Variants in REV1 observed in about 807,000 individuals in gnomAD.
REV1 encodes translesion synthesis protein REV1.
A neutral mutation model predicts 137.4 loss-of-function variants in REV1; 42 were observed. That is an observed-to-expected ratio of 0.31 (90% CI 0.24 to 0.40). The LOEUF is 0.40. REV1 is among the 10% of genes least tolerant of loss of function. The pLI, the probability that REV1 is intolerant of heterozygous loss-of-function variation, is 1.00. For missense variants in REV1, 1,282 were observed against 1,490.1 expected (o/e 0.86, Z 2.30); for synonymous variants, 524 against 519.2 (o/e 1.01, Z -0.12).
rs869170472 is a variant in REV1 at position 99,407,080 on chromosome 2, CTTTTTTTTTTTTTT to C, written c.2449-604_2449-591del. ...ACATAAAACTAAACCTACAAAGGTT[CTTTTTTTTTTTTTT>C]TTTTTTTTTTTTTGAGACAGAGCCT... On this transcript the variant is annotated intron_variant, in intron 15 of 22. Transcript: ENST00000258428. Among the ~76,000 whole-genome samples the C allele has an allele frequency of 2.7e-3, 165 of 60,054 alleles. 3 individuals carry two copies. The highest frequency in any genetic ancestry group is 1.0e-2 in the African/African-American group (155 of 15,556). 39.4% of individuals were successfully genotyped at this position (60,054 alleles called of 152,430 possible). A position where few individuals can be genotyped will look rare whatever the true frequency, so the allele number is the denominator to read the frequency against.
At position 99,402,127 on chromosome 2, in the gene REV1, A is replaced by G. The variant is rs1574956419; in HGVS notation, c.3644+117T>C. On this transcript the variant is annotated intron_variant, in intron 22 of 22. Transcript: ENST00000258428. ...TCAACATGGCAAAATAAAGGATATC[A>G]CTTTCTCATTAACCCTAATGAGTAC... is the stretch of plus-strand genomic sequence containing the variant. 32 of 573,680 alleles carry G rather than the reference A, an allele frequency of 5.6e-5. 1 individual carries two copies. The South Asian group carries it at 7.4e-4, about 13-fold the overall frequency. The allele number at this position is 573,680 out of a possible 1,614,324, so 35.5% of individuals were successfully genotyped here. A position where few individuals can be genotyped will look rare whatever the true frequency, so the allele number is the denominator to read the frequency against.
At chr2:99,460,555 T>C (rs1479659769) in intron 3 of REV1, among the ~76,000 whole-genome samples, 1 of 152,174 alleles carries the variant, frequency 6.6e-6, no homozygotes, top group East Asian at 1.9e-4. Flanking sequence ...AAAAACAAAA[T>C]AGCACCTCCT....
At position 99,486,390 on chromosome 2, in the gene REV1, G is replaced by A. The variant is rs576317071; in HGVS notation, c.-11+3427C>T. On this transcript the variant is annotated intron_variant, in intron 1 of 22. Coordinates refer to ENST00000258428, the MANE Select transcript of REV1 (RefSeq NM_016316.4). ...TAAAAATACAAAAAATTAGCCGGGC[G>A]TGGTGGCAGGTGCCTGCAGTCCCAG... Among the ~76,000 whole-genome samples the A allele has an allele frequency of 5.3e-5, 8 of 152,122 alleles. No homozygotes were observed. In the South Asian group the frequency reaches 1.0e-3, roughly 20 times the overall value.
chr2:99,449,861 C>T (rs1436641578), intron 3 of REV1, among the ~76,000 whole-genome samples: 2 of 152,108 alleles, frequency 1.3e-5, no homozygotes, highest in East Asian at 3.8e-4. Flanking sequence ...TAAAAATTAA[C>T]AACTATAAAC....
At chr2:99,410,902 C>T (rs753414220) in intron 13 of REV1, 35 bp from the exon 14 acceptor site, 1 of 1,541,264 alleles carries the variant, frequency 6.5e-7, no homozygotes, top group South Asian at 1.2e-5. Flanking sequence ...ACTACCATTC[C>T]ACTTTCCTAT....
chr2:99,401,463 G>A, intron 22 of REV1, 111 bp from the exon 23 acceptor site: 1 of 648,646 alleles, frequency 1.5e-6, no homozygotes, highest in Non-Finnish European at 2.5e-6. Context: ...AAAAAGTCCT[G>A]GCCAGGTGCG....
intron 5 of REV1, among the ~76,000 whole-genome samples, chr2:99,440,736 A>T (rs1270662744): frequency 6.6e-6 from 1 of 152,254 alleles, no homozygotes; most frequent in East Asian, 1.9e-4. Flanking sequence ...AATGTACTGA[A>T]TATACCCCCC....
At chr2:99,446,638 G>A (rs1341733412) in intron 4 of REV1, among the ~76,000 whole-genome samples, 2 of 151,950 alleles carry the variant, frequency 1.3e-5, no homozygotes, top group Non-Finnish European at 2.9e-5. Context: ...GGGATTACAG[G>A]CACCCAACAC....
chr2:99,449,558 C>T, intron 3 of REV1, 54 bp from the exon 4 acceptor site: 1 of 916,386 alleles, frequency 1.1e-6, no homozygotes. Flanking sequence ...GAAGTAGAAC[C>T]CTAATGAATA....
rs148425132 is a variant in REV1 at position 99,479,110 on chromosome 2, A to G, written c.-11+10707T>C. On this transcript the variant is annotated intron_variant, in intron 1 of 22. Transcript: ENST00000258428. ...TTTAGGAGACCGAGGTGGGCGGATC[A>G]CGAGGTCAGGAGATCGAGACCACAC... Among the ~76,000 whole-genome samples, 767 of 151,948 alleles carry G rather than the reference A, an allele frequency of 5.0e-3. 11 individuals are homozygous for G. Among genetic ancestry groups the G allele is most frequent in the African/African-American group, 0.018 (728 of 41,426 alleles).
chr2:99,484,384 T>TA (rs1009729940), intron 1 of REV1, among the ~76,000 whole-genome samples: 6 of 150,884 alleles, frequency 4.0e-5, no homozygotes, highest in Non-Finnish European at 5.9e-5. Context: ...GATAGAAGTT[T>TA]AAAAAAAAAA....
intron 5 of REV1, among the ~76,000 whole-genome samples, chr2:99,441,097 T>C (rs1681433142): frequency 6.6e-6 from 1 of 151,162 alleles, no homozygotes; most frequent in Non-Finnish European, 1.5e-5. Context: ...TTTATTAATG[T>C]GGGTAAGAAA....
intron 10 of REV1, among the ~76,000 whole-genome samples, chr2:99,423,083 T>A (rs774262850): frequency 1.3e-5 from 2 of 152,202 alleles, no homozygotes; most frequent in South Asian, 4.1e-4. Context: ...CTATAATAAG[T>A]GTCTTATCAT....
intron 3 of REV1, among the ~76,000 whole-genome samples, chr2:99,453,034 T>C (rs1683098633): frequency 6.6e-6 from 1 of 152,160 alleles, no homozygotes; most frequent in South Asian, 2.1e-4. Context: ...AGCTAAAAAT[T>C]ATAAATTACT....
At chr2:99,478,161 G>A (rs1321256906) in intron 1 of REV1, among the ~76,000 whole-genome samples, 2 of 152,068 alleles carry the variant, frequency 1.3e-5, no homozygotes, top group Non-Finnish European at 2.9e-5. Flanking sequence ...ACTTAAACCC[G>A]GGAGGCAGAG....
Position 99,462,623 on chromosome 2 carries a change from C to T in REV1, c.55-1G>A. On this transcript the variant is annotated splice_acceptor_variant, in intron 2 of 22. Coordinates refer to ENST00000258428, the MANE Select transcript of REV1 (RefSeq NM_016316.4). LOFTEE classifies it high-confidence loss of function. The stretch of plus-strand genomic sequence containing the variant: ...GGACCTTGGCAGCCATATACCCACC[C>T]TAGAATTAAAGAAAAGGTAAACCAA... The T allele has an allele frequency of 6.2e-7, 1 of 1,601,046 alleles. No individual in the cohort carries two copies.
At chr2:99,423,963 C>T (rs1189669075) in intron 10 of REV1, among the ~76,000 whole-genome samples, 189 bp downstream of exon 10, 1 of 152,138 alleles carries the variant, frequency 6.6e-6, no homozygotes, top group East Asian at 1.9e-4. Context: ...ACAAAACTAT[C>T]CTTTGAGATT....
chr2:99,437,497 A>G (rs1330180405), intron 6 of REV1, among the ~76,000 whole-genome samples: 2 of 152,220 alleles, frequency 1.3e-5, no homozygotes, highest in African/African-American at 4.8e-5. Context: ...ATCTCAAGAA[A>G]TGATTCATAA....
chr2:99,481,322 A>G (rs1328716159), intron 1 of REV1, among the ~76,000 whole-genome samples: 1 of 152,248 alleles, frequency 6.6e-6, no homozygotes, highest in Non-Finnish European at 1.5e-5. Context: ...AACCCAAGCT[A>G]CAAAATTTAT....
Sources: gnomAD v4.1 joint callset for allele counts (sites outside exome capture counted in the v4.1 genomes callset) on GRCh38, gnomAD v4.1.1 for gene constraint, MANE v1.5 for transcripts, NCBI Gene and HGNC (gene_info 2026-07-23, HGNC 2026-07-21) for gene names.